Variants in KITLG observed in about 807,000 individuals in gnomAD.
KITLG encodes the protein c-Kit ligand.
A neutral mutation model predicts 34.1 loss-of-function variants in KITLG; 13 were observed. The observed-to-expected ratio is 0.38, with a 90% CI of 0.25 to 0.61. The LOEUF (loss-of-function observed/expected upper bound fraction) is 0.61. KITLG is among the 20% of genes least tolerant of loss of function. The pLI is 0.60. For synonymous variants in KITLG, 110 were observed against 104.0 expected, an observed-to-expected ratio of 1.06 and a Z score of -0.35; for missense variants, 292 against 318.9, an observed-to-expected ratio of 0.92 and a Z score of 0.64.
At chr12:88,528,055 G>A (rs528064409) in intron 3 of KITLG, among the ~76,000 whole-genome samples, 6 of 152,222 alleles carry the variant, frequency 3.9e-5, no homozygotes, top group African/African-American at 1.4e-4. Flanking sequence ...CAGTTCTGGA[G>A]GTCAGAAGTT....
At position 88,496,996 on chromosome 12, in the gene KITLG, G is replaced by A. The variant is rs943240751; in HGVS notation, c.*223C>T. On this transcript the variant is annotated 3_prime_UTR_variant, in exon 10 of 10. Transcript: ENST00000644744. ...TAAAATAGAGTCCTGCTCCATGCAA[G>A]TTCTTCTTTATAGATGATTAATTCA... is the stretch of plus-strand genomic sequence containing the variant. 3 of 285,132 alleles carry A rather than the reference G, an allele frequency of 1.1e-5. No homozygotes were observed. Among genetic ancestry groups the A allele is most frequent in the Non-Finnish European group, 2.1e-5 (3 of 141,864 alleles). The allele number at this position is 285,132 out of a possible 1,614,324, so 17.7% of individuals were successfully genotyped here.
At chr12:88,548,102 G>A (rs1177068455) in intron 1 of KITLG, among the ~76,000 whole-genome samples, 1 of 152,136 alleles carries the variant, frequency 6.6e-6, no homozygotes, top group East Asian at 1.9e-4. Flanking sequence ...GTCACCATGT[G>A]TACTGCTTTG....
At chr12:88,535,269 C>T (rs1870266485) in intron 2 of KITLG, among the ~76,000 whole-genome samples, 1 of 152,098 alleles carries the variant, frequency 6.6e-6, no homozygotes, top group African/African-American at 2.4e-5. Context: ...GGTGGTAGGG[C>T]AGTGTATAAT....
chr12:88,564,713 T>C (rs936383551), intron 1 of KITLG, among the ~76,000 whole-genome samples: 3 of 145,842 alleles, frequency 2.1e-5, no homozygotes, highest in African/African-American at 7.4e-5. Context: ...TTTTCAGATC[T>C]ACACCCAAAA....
intron 1 of KITLG, among the ~76,000 whole-genome samples, chr12:88,563,806 C>A (rs569688326): frequency 6.6e-6 from 1 of 152,018 alleles, no homozygotes; most frequent in South Asian, 2.1e-4. Flanking sequence ...ACTAAAAATA[C>A]AAAAAATTAG....
At chr12:88,506,189 C>T in intron 8 of KITLG, 122 bp downstream of exon 8, 1 of 744,248 alleles carries the variant, frequency 1.3e-6, no homozygotes, top group Non-Finnish European at 2.5e-6. Context: ...AGAGTTGGGA[C>T]TCACTGGTTA....
intron 7 of KITLG, among the ~76,000 whole-genome samples, chr12:88,506,650 G>T (rs924709895): frequency 1.3e-5 from 2 of 152,176 alleles, no homozygotes; most frequent in African/African-American, 4.8e-5. Flanking sequence ...GAGTCACAAT[G>T]ATTTTTGCAC....
At chr12:88,557,701 A>T (rs369257501) in intron 1 of KITLG, among the ~76,000 whole-genome samples, 1 of 152,172 alleles carries the variant, frequency 6.6e-6, no homozygotes. Flanking sequence ...TTTTCAAAGA[A>T]ATAAGACGAG....
At chr12:88,556,588 G>A (rs950051987) in intron 1 of KITLG, among the ~76,000 whole-genome samples, 4 of 152,232 alleles carry the variant, frequency 2.6e-5, no homozygotes, top group Non-Finnish European at 5.9e-5. Flanking sequence ...AAAAGGGGAA[G>A]AGGCACAAAT....
At chr12:88,520,657 G>T (rs1347406217) in intron 3 of KITLG, among the ~76,000 whole-genome samples, 1 of 152,072 alleles carries the variant, frequency 6.6e-6, no homozygotes, top group Non-Finnish European at 1.5e-5. Context: ...TGTCTTATAT[G>T]AATGGGTACT....
chr12:88,543,769 A>G (rs1870606124), intron 2 of KITLG, among the ~76,000 whole-genome samples: 1 of 152,204 alleles, frequency 6.6e-6, no homozygotes, highest in African/African-American at 2.4e-5. Flanking sequence ...GATAACATAC[A>G]TTAAAAAGTA....
intron 2 of KITLG, among the ~76,000 whole-genome samples, chr12:88,532,792 CA>C (rs1870147912): frequency 6.6e-6 from 1 of 152,052 alleles, no homozygotes; most frequent in Non-Finnish European, 1.5e-5. Flanking sequence ...TTTCAGCTTC[CA>C]CCTGTGATCT....
rs1329083153 is a variant in KITLG at position 88,493,370 on chromosome 12, GA to G, written c.*3848del. ...TCCATTTTAGCATGGATTATTTCTT[GA>G]AAAAAACACCTTGTTATAAAATGAA... On this transcript the variant is annotated 3_prime_UTR_variant, in exon 10 of 10. Coordinates refer to ENST00000644744, the MANE Select transcript of KITLG (RefSeq NM_000899.5). 1 of 151,792 alleles carries G rather than the reference GA, an allele frequency of 6.6e-6. No homozygotes were observed. Among genetic ancestry groups the G allele is most frequent in the Non-Finnish European group, 1.5e-5 (1 of 67,712 alleles). 9.4% of individuals were successfully genotyped at this position (151,792 alleles called of 1,614,324 possible).
intron 1 of KITLG, among the ~76,000 whole-genome samples, chr12:88,549,717 T>G (rs546703822): frequency 6.6e-6 from 1 of 152,216 alleles, no homozygotes; most frequent in African/African-American, 2.4e-5. Context: ...GGAGGGAAAC[T>G]TGGGGTGCAG....
chr12:88,563,437 C>T (rs1327602914), intron 1 of KITLG, among the ~76,000 whole-genome samples: 1 of 152,198 alleles, frequency 6.6e-6, no homozygotes, highest in Non-Finnish European at 1.5e-5. Context: ...CCCTATCATG[C>T]AACTTGTTTG....
At chr12:88,531,149 T>C (rs1870069713) in intron 3 of KITLG, among the ~76,000 whole-genome samples, 1 of 152,194 alleles carries the variant, frequency 6.6e-6, no homozygotes, top group African/African-American at 2.4e-5. Context: ...AAGCTTAACA[T>C]AAAATTATTA....
intron 1 of KITLG, among the ~76,000 whole-genome samples, chr12:88,576,533 TA>T (rs1871830131): frequency 1.3e-5 from 2 of 152,162 alleles, no homozygotes. Flanking sequence ...ATTTAGTCCT[TA>T]AAACCACCAT....
chr12:88,505,213 C>T lies in KITLG; in HGVS notation c.805G>A (p.Glu269Lys). The change falls in exon 9 of 10, where the codon GAG (glutamate) becomes AAG (lysine). Residue 269 changes from glutamate to lysine, a missense_variant. Transcript: ENST00000644744. Reference sequence around the variant, plus strand: ...AGCCACAATTACACTTCTTGAAACTCTCTCTCTTTCTCTTGCAACATACTG... The same window carrying T: ...AGCCACAATTACACTTCTTGAAACTTTCTCTCTTTCTCTTGCAACATACTG... The part of the protein sequence containing the change: ...EISMLQEKER[E>K]FQEV 1 of 1,611,042 alleles carries T rather than the reference C, an allele frequency of 6.2e-7. No homozygotes were observed. Among genetic ancestry groups the T allele is most frequent in the Non-Finnish European group, 8.5e-7 (1 of 1,177,378 alleles).
At chr12:88,538,288 A>C (rs1437253433) in intron 2 of KITLG, among the ~76,000 whole-genome samples, 1 of 151,980 alleles carries the variant, frequency 6.6e-6, no homozygotes, top group Admixed American at 6.6e-5. Context: ...ATGTTGAGCT[A>C]GGGAGGTCAA....
Sources: allele counts gnomAD v4.1 joint callset (sites outside exome capture counted in the v4.1 genomes callset), GRCh38; gene constraint gnomAD v4.1.1; transcripts MANE v1.5; gene names NCBI Gene and HGNC (gene_info 2026-07-23, HGNC 2026-07-21).